Variants in DNHD1 observed in about 807,000 individuals in gnomAD.
DNHD1 encodes dynein heavy chain domain 1.
In DNHD1, 383 loss-of-function variants were observed where a neutral mutation model predicts 458.1. The observed-to-expected ratio is 0.84, with a 90% CI of 0.77 to 0.91. The LOEUF is 0.91. Among genes scored for constraint, DNHD1 ranks in the 40% least tolerant of loss-of-function variants. The pLI, the probability that DNHD1 is intolerant of heterozygous loss-of-function variation, is 0.00. For synonymous variants in DNHD1, 2,203 were observed against 2,376.9 expected (o/e 0.93, Z 2.13); for missense variants, 5,336 against 5,866.1 (o/e 0.91, Z 2.95).
intron 18 of DNHD1, among the ~76,000 whole-genome samples, chr11:6,543,458 G>C (rs1048912377): frequency 6.6e-6 from 1 of 152,164 alleles, no homozygotes; most frequent in Non-Finnish European, 1.5e-5. Context: ...GGGTCCTGGA[G>C]CCATTCAGCC....
chr11:6,538,516 G>C lies in DNHD1; in HGVS notation c.3126+6G>C. On this transcript the variant is annotated splice_donor_region_variant and intron_variant, in intron 15 of 42. Transcript: ENST00000254579. ...AGTGCATGGCTTTTGCCAAGGTGCT[G>C]ACACCCTTCCTTGGAGCTCTTGACT... 6.4e-7 allele frequency: 1 copy of C among 1,551,782 alleles called. No individual in the cohort carries two copies. Among genetic ancestry groups the C allele is most frequent in the Non-Finnish European group, 8.7e-7 (1 of 1,147,014 alleles).
At chr11:6,502,697 C>T (rs528049828) in intron 3 of DNHD1, 56 bp from the exon 4 acceptor site, 13 of 1,497,982 alleles carry the variant, frequency 8.7e-6, no homozygotes, top group Non-Finnish European at 1.1e-5. Flanking sequence ...AGGCCTCCCT[C>T]TAAGGTACTT....
intron 13 of DNHD1, 139 bp downstream of exon 13, chr11:6,533,323 C>A: frequency 1.1e-6 from 1 of 931,814 alleles, no homozygotes; most frequent in Non-Finnish European, 1.6e-6. Flanking sequence ...GAGATCTACC[C>A]TTGCTAATTC....
Position 6,567,137 on chromosome 11 carries a change from G to A in DNHD1, c.11628G>A (p.Met3876Ile). 1 of 1,614,050 alleles carries A rather than the reference G, an allele frequency of 6.2e-7. No homozygotes were observed. Reference sequence around the variant, plus strand: ...AGAACCTGCTGCCACTTTTCTGTATGAGCCCAGAGAACTGGCTGGCAGTCA... The same window carrying A: ...AGAACCTGCTGCCACTTTTCTGTATAAGCCCAGAGAACTGGCTGGCAGTCA... The part of the protein sequence containing the change: ...QLQNLLPLFC[M>I]SPENWLAVTK... Residue 3876 changes from methionine (M) to isoleucine (I), a missense_variant, in exon 36 of 43, where the codon ATG becomes ATA. Around this residue, in one of 4 missense-constraint regions of DNHD1, gnomAD observed 695 missense variants for 804.2 expected, o/e 0.86. Coordinates refer to ENST00000254579, the MANE Select transcript of DNHD1 (RefSeq NM_144666.3).
intron 13 of DNHD1, among the ~76,000 whole-genome samples, 182 bp downstream of exon 13, chr11:6,533,366 T>C (rs1254609909): frequency 6.6e-6 from 1 of 152,226 alleles, no homozygotes; most frequent in Admixed American, 6.5e-5. Flanking sequence ...AGGTTCCTCA[T>C]GTCACAGGGA....
rs769819067 is a variant in DNHD1 at position 6,570,119 on chromosome 11, C to G, written c.12955+19C>G. The G allele has an allele frequency of 4.3e-6, 7 of 1,613,826 alleles. No individual in the cohort carries two copies. The highest frequency in any genetic ancestry group is 1.3e-5 in the African/African-American group (1 of 75,012). ...CTGGCTGGTGAGACCCTTCCTCTCC[C>G]CCTTGGAGTCATCAGCCCCCAGGAG... On this transcript the variant is annotated intron_variant, in intron 40 of 42. Transcript: ENST00000254579.
rs780685869 is a variant in DNHD1, at chr11:6,570,854, C to A, written c.13342C>A (p.Arg4448=). ...GCGGCAACGCCTAGTGCAAGTCAAC[C>A]GGAGGCTGGAGTCACTGCAGGATCT... ...RLRQRLVQVN[R]RLESLQDLLT... Residue 4448 remains arginine, a synonymous_variant, in exon 42 of 43, where the codon CGG becomes AGG. Transcript: ENST00000254579. 2.5e-6 allele frequency: 4 copies of A among 1,614,044 alleles called. 1 individual carries two copies. Among genetic ancestry groups the A allele is most frequent in the African/African-American group, 1.3e-5 (1 of 75,066 alleles).
At chr11:6,520,506 T>C in intron 10 of DNHD1, 1 of 1,410,502 alleles carries the variant, frequency 7.1e-7, no homozygotes, top group Non-Finnish European at 9.2e-7. Context: ...TGTATGTGCG[T>C]GCAATGAGAG....
chr11:6,569,438 G>C (rs1564825456), intron 39 of DNHD1, among the ~76,000 whole-genome samples: 1 of 151,860 alleles, frequency 6.6e-6, no homozygotes, highest in Non-Finnish European at 1.5e-5. Context: ...AGCCGAGATT[G>C]CACCACTGCA....
intron 18 of DNHD1, among the ~76,000 whole-genome samples, chr11:6,542,339 TAATA>T (rs893579924): frequency 2.6e-5 from 4 of 152,202 alleles, no homozygotes; most frequent in African/African-American, 9.6e-5. Flanking sequence ...CTACTAAAAG[TAATA>T]AATAAAAATT....
In DNHD1 at chr11:6,502,832, C is replaced by T; in HGVS notation, c.826C>T (p.Leu276=). Residue 276 remains leucine, a synonymous_variant, in exon 4 of 43, where the codon CTG becomes TTG. Transcript: ENST00000254579. The part of the protein sequence containing the change: ...STGFSPETSF[L]DSQVMTALKM... ...CGGCTTTTCACCTGAGACTTCCTTC[C>T]TGGATAGCCAGGTGATGACTGCTCT... 1.2e-6 allele frequency: 2 copies of T among 1,613,318 alleles called. No individual in the cohort carries two copies. The highest frequency in any genetic ancestry group is 1.7e-6 in the Non-Finnish European group (2 of 1,179,698).
intron 21 of DNHD1, 88 bp downstream of exon 21, chr11:6,547,754 G>A (rs1404802255): frequency 6.7e-7 from 1 of 1,482,824 alleles, no homozygotes; most frequent in African/African-American, 1.4e-5. Context: ...TGTGTTCTTT[G>A]GTGGATCTGG....
chr11:6,524,751 ATTATATGGG>A (rs1852675721), intron 10 of DNHD1, among the ~76,000 whole-genome samples: 3 of 152,210 alleles, frequency 2.0e-5, no homozygotes, highest in Admixed American at 2.0e-4. Flanking sequence ...ATAAACGTCT[ATTATATGGG>A]CCTGAGTATG....
chr11:6,568,567 T>C lies in DNHD1; in HGVS notation c.12652T>C (p.Ser4218Pro). Residue 4218 changes from serine (S) to proline (P), a missense_variant, in exon 38 of 43, where the codon TCT becomes CCT. Around this residue, in one of 4 missense-constraint regions of DNHD1, gnomAD observed 695 missense variants for 804.2 expected, o/e 0.86. Coordinates refer to ENST00000254579, the MANE Select transcript of DNHD1 (RefSeq NM_144666.3). ...TATTGTGCCTGCAGAGTCTAGTGCT[T>C]CTTTGCCAGGTGAGGAGCTTAACCC... Reference protein sequence around the residue: ...WLIVPAESSASLPAVLTQHSM... With the variant: ...WLIVPAESSAPLPAVLTQHSM... The C allele has an allele frequency of 6.2e-7, 1 of 1,613,996 alleles. No individual in the cohort carries two copies. The highest frequency in any genetic ancestry group is 1.1e-5 in the South Asian group (1 of 91,088).
chr11:6,507,136 A>G (rs546852668), intron 4 of DNHD1, among the ~76,000 whole-genome samples: 1 of 152,310 alleles, frequency 6.6e-6, no homozygotes, highest in Admixed American at 6.5e-5. Flanking sequence ...CTTTGAGGAC[A>G]AGGACTATGT....
chr11:6,507,039 T>A (rs1039105375), intron 4 of DNHD1, among the ~76,000 whole-genome samples: 1 of 152,232 alleles, frequency 6.6e-6, no homozygotes, highest in Non-Finnish European at 1.5e-5. Flanking sequence ...TGGAAACAGC[T>A]GAATCTTTGG....
At position 6,511,976 on chromosome 11, in the gene DNHD1, A is replaced by C. The variant is rs144902018; in HGVS notation, c.1392+547A>C. On this transcript the variant is annotated intron_variant, in intron 7 of 42. Transcript: ENST00000254579. ...TTGTCAGGTGGGGCTGGATATTCAC[A>C]CAGGACTGTGGCTAATTACCATGTG... is the stretch of plus-strand genomic sequence containing the variant. 5.2e-3 allele frequency among the ~76,000 whole-genome samples: 795 copies of C among 152,296 alleles called. 6 individuals are homozygous for C. Among genetic ancestry groups the C allele is most frequent in the Middle Eastern group, 0.01 (3 of 294 alleles).
rs1045686492 is a variant in DNHD1 at position 6,531,188 on chromosome 11, C to T, written c.2348-1839C>T. Among the ~76,000 whole-genome samples, 6 of 152,258 alleles carry T rather than the reference C, an allele frequency of 3.9e-5. No homozygotes were observed. The East Asian group carries it at 1.2e-3, about 29-fold the overall frequency. The stretch of plus-strand genomic sequence containing the variant: ...CTTGCTGATCTAATTTTATCTAACC[C>T]TCTGACTTAACTCTGTCGTTTCTCT... On this transcript the variant is annotated intron_variant, in intron 12 of 42. Coordinates refer to ENST00000254579, the MANE Select transcript of DNHD1 (RefSeq NM_144666.3).
chr11:6,504,486 G>A (rs947775743), intron 4 of DNHD1, among the ~76,000 whole-genome samples: 3 of 152,202 alleles, frequency 2.0e-5, no homozygotes, highest in African/African-American at 7.2e-5. Flanking sequence ...TTTCACTCTT[G>A]TTGTCCAGGC....
Sources: gnomAD v4.1 joint callset for allele counts (sites outside exome capture counted in the v4.1 genomes callset) on GRCh38, gnomAD v4.1.1 for gene constraint, gnomAD v4.1.1 regional missense constraint, MANE v1.5 for transcripts, NCBI Gene and HGNC (gene_info 2026-07-23, HGNC 2026-07-21) for gene names.